DPYD: variants seen among roughly 807,000 people sequenced by gnomAD.
The protein encoded by DPYD is dihydropyrimidine dehydrogenase [NADP(+)].
A neutral mutation model predicts 116.2 loss-of-function variants in DPYD; 109 were observed. The observed-to-expected ratio is 0.94, with a 90% CI of 0.80 to 1.10. DPYD has a LOEUF of 1.10. DPYD is among the 50% of genes least tolerant of loss of function. DPYD has a pLI of 0.00. For synonymous variants in DPYD, 440 were observed against 432.0 expected (o/e 1.02, Z -0.23); for missense variants, 1,302 against 1,254.5 (o/e 1.04, Z -0.57).
chr1:97,850,644 G>A (rs1022063420), intron 2 of DPYD, among the ~76,000 whole-genome samples: 3 of 152,040 alleles, frequency 2.0e-5, no homozygotes, highest in African/African-American at 7.2e-5. Context: ...TATAAAGGGT[G>A]CTGTGCAATC....
chr1:97,595,750 A>G (rs563800326), intron 8 of DPYD, among the ~76,000 whole-genome samples: 22 of 151,980 alleles, frequency 1.4e-4, no homozygotes, highest in African/African-American at 4.8e-4. Flanking sequence ...CCAAATCAGT[A>G]AGGAACATAT....
chr1:97,721,550 C>T lies in DPYD; in HGVS notation c.443G>A (p.Gly148Glu). 6.2e-7 allele frequency: 1 copy of T among 1,611,712 alleles called. No individual in the cohort carries two copies. The highest frequency in any genetic ancestry group is 1.1e-5 in the South Asian group (1 of 91,030). The part of the protein sequence containing the change: ...GGCNLYATEE[G>E]PINIGGLQQF... The stretch of plus-strand genomic sequence containing the variant: ...CTGCAATCCACCAATATTAATGGGT[C>T]CCTCTTCAGTGGCATATAAATTGCA... The change falls in exon 5 of 23, where the codon GGA becomes GAA. Residue 148 changes from glycine to glutamate, a missense_variant. Coordinates refer to ENST00000370192, the MANE Select transcript of DPYD (RefSeq NM_000110.4).
intron 19 of DPYD, among the ~76,000 whole-genome samples, chr1:97,219,565 G>A (rs1051334015): frequency 1.3e-5 from 2 of 152,140 alleles, no homozygotes; most frequent in Admixed American, 6.5e-5. Flanking sequence ...TGTCACCCTT[G>A]AGAGTAGTAA....
intron 20 of DPYD, among the ~76,000 whole-genome samples, chr1:97,173,959 G>A (rs1413488541): frequency 6.6e-6 from 1 of 151,254 alleles, no homozygotes; most frequent in Non-Finnish European, 1.5e-5. Context: ...TGTACCCAGA[G>A]TGAATGGAAA....
chr1:97,870,916 G>A (rs1222428688), intron 2 of DPYD, among the ~76,000 whole-genome samples: 3 of 150,194 alleles, frequency 2.0e-5, no homozygotes, highest in Non-Finnish European at 4.5e-5. Context: ...ATAGGGGAAC[G>A]ATTAGAAAGA....
chr1:97,781,747 C>G (rs1280638751), intron 3 of DPYD, among the ~76,000 whole-genome samples: 1 of 152,150 alleles, frequency 6.6e-6, no homozygotes, highest in Non-Finnish European at 1.5e-5. Flanking sequence ...TAAAGAAACC[C>G]TAAAAATTAT....
At chr1:97,569,941 CTTA>C (rs1355316240) in intron 11 of DPYD, among the ~76,000 whole-genome samples, 2 of 151,922 alleles carry the variant, frequency 1.3e-5, no homozygotes, top group Non-Finnish European at 2.9e-5. Context: ...ACTTATCACT[CTTA>C]TTATCCTTAG....
intron 12 of DPYD, among the ~76,000 whole-genome samples, chr1:97,542,718 T>C (rs1350485772): frequency 1.3e-5 from 2 of 152,204 alleles, no homozygotes; most frequent in Non-Finnish European, 2.9e-5. Flanking sequence ...ATAGGATTCT[T>C]ACTTGCAAAT....
At chr1:97,151,510 A>G (rs886619015) in intron 20 of DPYD, among the ~76,000 whole-genome samples, 9 of 152,008 alleles carry the variant, frequency 5.9e-5, no homozygotes, top group Non-Finnish European at 1.3e-4. Context: ...CCCCGTCTCT[A>G]CTAAAAATAC....
intron 18 of DPYD, among the ~76,000 whole-genome samples, chr1:97,236,507 A>T (rs961649373): frequency 3.3e-5 from 5 of 152,232 alleles, no homozygotes; most frequent in Non-Finnish European, 7.3e-5. Flanking sequence ...GACATTCTGG[A>T]AAAGGAAAAA....
chr1:97,539,708 T>C (rs908937085), intron 12 of DPYD, among the ~76,000 whole-genome samples: 50 of 152,344 alleles, frequency 3.3e-4, no homozygotes, highest in African/African-American at 1.1e-3. Context: ...TCTATAAAGA[T>C]CAACATTATT....
intron 12 of DPYD, among the ~76,000 whole-genome samples, chr1:97,548,164 C>T (rs1178261667): frequency 6.6e-6 from 1 of 152,140 alleles, no homozygotes; most frequent in East Asian, 1.9e-4. Flanking sequence ...ATAGTGTGAG[C>T]ACTCTTCCTT....
intron 3 of DPYD, among the ~76,000 whole-genome samples, chr1:97,782,032 ATC>A (rs1379352251): frequency 1.3e-5 from 2 of 152,140 alleles, no homozygotes; most frequent in Non-Finnish European, 2.9e-5. Flanking sequence ...TCTTTGGTAA[ATC>A]TCTTAGACCG....
At chr1:97,444,521 C>A (rs1162460422) in intron 14 of DPYD, among the ~76,000 whole-genome samples, 1 of 151,988 alleles carries the variant, frequency 6.6e-6, no homozygotes, top group South Asian at 2.1e-4. Flanking sequence ...AGGTCAAGAG[C>A]CATAAATAAC....
chr1:97,770,298 C>T (rs1370409264), intron 3 of DPYD, among the ~76,000 whole-genome samples: 2 of 152,126 alleles, frequency 1.3e-5, no homozygotes, highest in Admixed American at 6.6e-5. Context: ...TATGACAGCA[C>T]ATACTGATTT....
At chr1:97,720,649 A>G (rs1295319481) in intron 5 of DPYD, 45 of 1,283,550 alleles carry the variant, frequency 3.5e-5, no homozygotes, top group Non-Finnish European at 4.2e-5. Context: ...AAGGGTCCCA[A>G]AATGAAAGAA....
chr1:97,786,806 A>G (rs1214060867), intron 3 of DPYD, among the ~76,000 whole-genome samples: 1 of 152,234 alleles, frequency 6.6e-6, no homozygotes, highest in East Asian at 1.9e-4. Context: ...TAAAAATAGC[A>G]AAAATTTGCA....
intron 5 of DPYD, among the ~76,000 whole-genome samples, chr1:97,718,427 G>A (rs1254621347): frequency 1.3e-5 from 2 of 151,790 alleles, no homozygotes; most frequent in East Asian, 1.9e-4. Flanking sequence ...TCATAAGATG[G>A]TATATTTCAC....
At chr1:97,601,551 G>C (rs1340044144) in intron 8 of DPYD, among the ~76,000 whole-genome samples, 5 of 151,988 alleles carry the variant, frequency 3.3e-5, no homozygotes, top group Non-Finnish European at 7.4e-5. Context: ...CAATATGGAA[G>C]TAAAATATTC....
Sources: gnomAD v4.1 joint callset for allele counts (sites outside exome capture counted in the v4.1 genomes callset) on GRCh38, gnomAD v4.1.1 for gene constraint, MANE v1.5 for transcripts, NCBI Gene and HGNC (gene_info 2026-07-23, HGNC 2026-07-21) for gene names.